Variants in SPECC1 observed in about 807,000 individuals in gnomAD.
The protein encoded by SPECC1 is cytospin-B.
SPECC1 carries 62 observed loss-of-function variants against 104.1 expected under a neutral mutation model. The observed-to-expected ratio is 0.60, with a 90% confidence interval of 0.49 to 0.74. The LOEUF (loss-of-function observed/expected upper bound fraction) is 0.74. Ranked by LOEUF, SPECC1 falls within the 30% of genes least tolerant of loss-of-function variation. The pLI, the probability that SPECC1 is intolerant of heterozygous loss-of-function variation, is 0.00. For synonymous variants in SPECC1, 513 were observed against 501.6 expected (o/e 1.02, Z -0.30); for missense variants, 1,306 against 1,310.5 (o/e 1.00, Z 0.05).
intron 1 of SPECC1, among the ~76,000 whole-genome samples, chr17:20,055,979 T>TA (rs1253772382): frequency 6.6e-6 from 1 of 152,210 alleles, no homozygotes; most frequent in Non-Finnish European, 1.5e-5. Flanking sequence ...TGAGCCTCTT[T>TA]AGGAGGACTG....
At chr17:20,282,761 A>G (rs1051006976) in intron 12 of SPECC1, among the ~76,000 whole-genome samples, 1 of 152,230 alleles carries the variant, frequency 6.6e-6, no homozygotes, top group African/African-American at 2.4e-5. Flanking sequence ...GTTTCAGAAT[A>G]GTAATGACAC....
chr17:20,223,950 C>G (rs1437465828), intron 4 of SPECC1, among the ~76,000 whole-genome samples: 2 of 152,166 alleles, frequency 1.3e-5, no homozygotes, highest in Non-Finnish European at 1.5e-5. Context: ...TCTTCACAGT[C>G]TGGGCTTGTT....
At position 20,228,214 on chromosome 17, in the gene SPECC1, A is replaced by G. The variant is rs376127822; in HGVS notation, c.2071+594A>G. On this transcript the variant is annotated intron_variant, in intron 5 of 14. Coordinates refer to ENST00000395527, the MANE Select transcript of SPECC1 (RefSeq NM_001243439.2). ...AAATGCTTTTCATTTTGTTTTTTTT[A>G]AGAAGTCTTGCTCTATCACCCTGGC... 1.1e-3 allele frequency among the ~76,000 whole-genome samples: 164 copies of G among 152,204 alleles called. No individual in the cohort carries two copies. The South Asian group carries it at 0.016, about 15-fold the overall frequency.
chr17:20,028,174 T>C (rs1363025047), intron 1 of SPECC1, among the ~76,000 whole-genome samples: 4 of 152,202 alleles, frequency 2.6e-5, no homozygotes, highest in Admixed American at 6.5e-5. Flanking sequence ...TTGAAAAGAA[T>C]GGTCTTGTTG....
At chr17:20,192,393 T>C (rs2035734250) in intron 3 of SPECC1, among the ~76,000 whole-genome samples, 1 of 152,228 alleles carries the variant, frequency 6.6e-6, no homozygotes, top group African/African-American at 2.4e-5. Context: ...CTCATTCTTT[T>C]GATGTTGCTA....
chr17:20,217,276 TGTGTG>T (rs2037557484), intron 4 of SPECC1, among the ~76,000 whole-genome samples: 1 of 148,944 alleles, frequency 6.7e-6, no homozygotes. Context: ...TGTGTGTGTG[TGTGTG>T]TTTTTTTTTT....
At chr17:20,045,740 G>A (rs1241440649) in intron 1 of SPECC1, among the ~76,000 whole-genome samples, 2 of 152,158 alleles carry the variant, frequency 1.3e-5, no homozygotes, top group Admixed American at 1.3e-4. Flanking sequence ...GGCCAGGTGT[G>A]TGCTTATAGT....
intron 3 of SPECC1, among the ~76,000 whole-genome samples, chr17:20,163,099 G>A (rs2033320835): frequency 6.6e-6 from 1 of 152,082 alleles, no homozygotes; most frequent in African/African-American, 2.4e-5. Context: ...AATCTAAGAA[G>A]GTCAAATATA....
intron 1 of SPECC1, among the ~76,000 whole-genome samples, chr17:20,019,996 GCAGGGTGACATGCA>G (rs2044309674): frequency 6.6e-6 from 1 of 152,196 alleles, no homozygotes; most frequent in South Asian, 2.1e-4. Context: ...ATGTCTCCCT[GCAGGGTGACATGCA>G]TAGAGCTGGT....
chr17:20,071,667 T>G (rs1465495276), intron 1 of SPECC1, among the ~76,000 whole-genome samples: 3 of 152,212 alleles, frequency 2.0e-5, no homozygotes, highest in African/African-American at 7.2e-5. Flanking sequence ...GACTGTAACT[T>G]TCTTACCAGG....
At chr17:20,043,074 A>C (rs1433159320) in intron 1 of SPECC1, among the ~76,000 whole-genome samples, 1 of 152,112 alleles carries the variant, frequency 6.6e-6, no homozygotes, top group Admixed American at 6.5e-5. Flanking sequence ...GAGGCCAAGC[A>C]AGTTTCTTTG....
intron 1 of SPECC1, among the ~76,000 whole-genome samples, chr17:20,084,195 G>A (rs1159833404): frequency 5.3e-5 from 8 of 152,180 alleles, no homozygotes; most frequent in African/African-American, 1.9e-4. Flanking sequence ...TTTGGGAGGC[G>A]AGGCGGGCAG....
intron 1 of SPECC1, among the ~76,000 whole-genome samples, chr17:20,092,412 C>T: frequency 6.6e-6 from 1 of 151,964 alleles, no homozygotes; most frequent in Non-Finnish European, 1.5e-5. Context: ...CTAGCATTCC[C>T]ACCTGTGTTT....
chr17:20,155,152 G>A (rs1359581334), intron 3 of SPECC1, among the ~76,000 whole-genome samples: 4 of 152,110 alleles, frequency 2.6e-5, no homozygotes, highest in Non-Finnish European at 4.4e-5. Context: ...GCCCAGGGTG[G>A]GTCAAGATGA....
chr17:20,197,229 G>A (rs76459904), intron 3 of SPECC1, among the ~76,000 whole-genome samples: 11,361 of 152,194 alleles, frequency 0.075, 620 homozygotes, highest in African/African-American at 0.15. Context: ...TTGAATATCT[G>A]CTTTTAATTA....
intron 12 of SPECC1, among the ~76,000 whole-genome samples, chr17:20,274,550 G>A (rs1190489240): frequency 2.3e-5 from 3 of 128,368 alleles, no homozygotes; most frequent in Non-Finnish European, 3.1e-5. Flanking sequence ...AAAAAGTCTC[G>A]GCTCACTGCA....
At chr17:20,161,922 G>C (rs1037052164) in intron 3 of SPECC1, among the ~76,000 whole-genome samples, 1 of 151,520 alleles carries the variant, frequency 6.6e-6, no homozygotes, top group Non-Finnish European at 1.5e-5. Flanking sequence ...AGCCTCTTGA[G>C]TACCTGGGAC....
Position 20,112,217 on chromosome 17 carries a change from CA to C in SPECC1, c.283+1656del, listed in dbSNP as rs1468690182. On this transcript the variant is annotated intron_variant, in intron 3 of 14. Transcript: ENST00000395527. ...GATGTCTGGGAAATAAGCAAGATCA[CA>C]GAGGAGCTTTCTTAATTGACCGAAG... is the stretch of plus-strand genomic sequence containing the variant. 6 of 763,882 alleles carry C rather than the reference CA, an allele frequency of 7.9e-6. No individual in the cohort carries two copies. The African/African-American group carries it at 1.0e-4, about 13-fold the overall frequency. The allele number at this position is 763,882 out of a possible 1,614,324, so 47.3% of individuals were successfully genotyped here.
At chr17:20,302,034 AAGAT>A (rs923536167) in intron 13 of SPECC1, among the ~76,000 whole-genome samples, 2 of 152,290 alleles carry the variant, frequency 1.3e-5, no homozygotes, top group East Asian at 1.9e-4. Flanking sequence ...TTTCAGTAAA[AAGAT>A]AGGGCATTCA....
Sources: gnomAD v4.1 joint callset for allele counts (sites outside exome capture counted in the v4.1 genomes callset) on GRCh38, gnomAD v4.1.1 for gene constraint, MANE v1.5 for transcripts, NCBI Gene and HGNC (gene_info 2026-07-23, HGNC 2026-07-21) for gene names.